PLEKHH2: variants seen among roughly 807,000 people sequenced by gnomAD.
The protein encoded by PLEKHH2 is pleckstrin homology domain-containing family H member 2.
A neutral mutation model predicts 187.9 loss-of-function variants in PLEKHH2; 129 were observed. The observed-to-expected ratio is 0.69, with a 90% CI of 0.59 to 0.79. The LOEUF (loss-of-function observed/expected upper bound fraction) is 0.79, where lower values mean the gene tolerates loss of function less well. Among genes scored for constraint, PLEKHH2 ranks in the 30% least tolerant of loss-of-function variants. PLEKHH2 has a pLI of 0.00. For synonymous variants in PLEKHH2, 686 were observed against 605.6 expected (o/e 1.13, Z -1.95); for missense variants, 2,076 against 1,751.2 (o/e 1.19, Z -3.31).
intron 2 of PLEKHH2, among the ~76,000 whole-genome samples, chr2:43,648,068 A>G (rs1250303282): frequency 1.3e-5 from 2 of 152,288 alleles, no homozygotes; most frequent in South Asian, 2.1e-4. Flanking sequence ...CACAGCTAAC[A>G]AAAAGCAGAG....
At chr2:43,716,898 CTT>C (rs1165642100) in intron 15 of PLEKHH2, among the ~76,000 whole-genome samples, 3 of 152,148 alleles carry the variant, frequency 2.0e-5, no homozygotes, top group African/African-American at 7.2e-5. Flanking sequence ...CCATCTGTCT[CTT>C]GTCACATTCT....
At chr2:43,672,347 T>C (rs976329797) in intron 2 of PLEKHH2, among the ~76,000 whole-genome samples, 1 of 152,198 alleles carries the variant, frequency 6.6e-6, no homozygotes, top group Non-Finnish European at 1.5e-5. Flanking sequence ...TATTGATTTT[T>C]CTCTATTTTT....
rs72790973 is a variant in PLEKHH2, at chr2:43,684,694, A to G, written c.186+5769A>G. ...GGTCTTGGTAAGTTTGACAGGAAGG[A>G]CTTCTCTCCTTTGAAGTTGTTCTTT... is the stretch of plus-strand genomic sequence containing the variant. On this transcript the variant is annotated intron_variant, in intron 3 of 29. Transcript: ENST00000282406. Among the ~76,000 whole-genome samples the G allele has an allele frequency of 1.6e-3, 240 of 152,090 alleles. 1 individual carries two copies. Among genetic ancestry groups the G allele is most frequent in the Admixed American group, 5.2e-3 (79 of 15,270 alleles).
rs5830767 is a variant in PLEKHH2 at position 43,705,251 on chromosome 2, C to CT, written c.1727-1049dup. ...TTCTTTCCATTCAGGAAATTTTATC[C>CT]TTTTTTTTTTTTTTTTTTTTTTGAG... On this transcript the variant is annotated intron_variant, in intron 9 of 29. Transcript: ENST00000282406. Among the ~76,000 whole-genome samples, 790 of 95,830 alleles carry CT rather than the reference C, an allele frequency of 8.2e-3. 18 individuals are homozygous for CT. The highest frequency in any genetic ancestry group is 0.02 in the East Asian group (81 of 4,084). 62.9% of individuals were successfully genotyped at this position (95,830 alleles called of 152,430 possible).
chr2:43,674,756 A>G (rs4531981), intron 2 of PLEKHH2, among the ~76,000 whole-genome samples: 100,684 of 151,570 alleles, frequency 0.66, 34,196 homozygotes, highest in Middle Eastern at 0.73. Flanking sequence ...AGGCTGAGGC[A>G]TGTGGATCAC....
intron 1 of PLEKHH2, among the ~76,000 whole-genome samples, chr2:43,641,413 G>A (rs1464099484): frequency 6.6e-6 from 1 of 152,060 alleles, no homozygotes; most frequent in African/African-American, 2.4e-5. Context: ...CCTGTGGCCT[G>A]CAGGCCACAG....
intron 25 of PLEKHH2, 80 bp from the exon 26 acceptor site, chr2:43,757,039 T>A: frequency 8.7e-7 from 1 of 1,147,618 alleles, no homozygotes. Context: ...AAAAAGAATG[T>A]TTAGAAAAAA....
chr2:43,672,514 C>A (rs1177696853), intron 2 of PLEKHH2, among the ~76,000 whole-genome samples: 1 of 152,216 alleles, frequency 6.6e-6, no homozygotes, highest in Non-Finnish European at 1.5e-5. Context: ...CAGCTGGAAT[C>A]ACAAAAGTCA....
At chr2:43,680,639 T>C in intron 3 of PLEKHH2, 1 of 299,718 alleles carries the variant, frequency 3.3e-6, no homozygotes, top group Non-Finnish European at 6.6e-6. Flanking sequence ...ATTTTGGAAG[T>C]TGCAGTGTCT....
At chr2:43,639,934 G>A (rs562594902) in intron 1 of PLEKHH2, among the ~76,000 whole-genome samples, 4 of 152,188 alleles carry the variant, frequency 2.6e-5, no homozygotes, top group African/African-American at 4.8e-5. Context: ...TGGGATTACA[G>A]GAGTGAGCCA....
At chr2:43,689,845 T>C (rs529184343) in intron 3 of PLEKHH2, among the ~76,000 whole-genome samples, 14 of 152,338 alleles carry the variant, frequency 9.2e-5, no homozygotes, top group Admixed American at 8.5e-4. Flanking sequence ...GAATGTGTTA[T>C]TCAGGGTAAA....
intron 3 of PLEKHH2, chr2:43,692,134 C>T (rs996056303): frequency 1.9e-5 from 3 of 154,842 alleles, no homozygotes; most frequent in African/African-American, 7.2e-5. Flanking sequence ...GCCATCCAGT[C>T]TGGGTCTCAC....
intron 5 of PLEKHH2, among the ~76,000 whole-genome samples, 183 bp from the exon 6 acceptor site, chr2:43,694,960 C>T (rs2104471436): frequency 6.6e-6 from 1 of 152,060 alleles, no homozygotes; most frequent in Admixed American, 6.6e-5. Flanking sequence ...AATATTGATA[C>T]CATAATTATC....
intron 27 of PLEKHH2, among the ~76,000 whole-genome samples, chr2:43,761,410 C>CTT (rs568339874): frequency 1.4e-3 from 167 of 117,602 alleles, no homozygotes; most frequent in African/African-American, 4.4e-3. Context: ...TAGCTTTTAG[C>CTT]TTTTTTTTTT....
chr2:43,681,313 G>T, intron 3 of PLEKHH2: 1 of 825,700 alleles, frequency 1.2e-6, no homozygotes, highest in Non-Finnish European at 1.9e-6. Context: ...CTGTGTTGGT[G>T]AGGAATTTGG....
intron 3 of PLEKHH2, chr2:43,681,185 A>G (rs879314782): frequency 1.7e-4 from 116 of 686,186 alleles, no homozygotes; most frequent in Admixed American, 1.3e-3. Flanking sequence ...GTCCACCACT[A>G]TTCCTCAAAG....
intron 2 of PLEKHH2, among the ~76,000 whole-genome samples, chr2:43,669,305 G>C (rs1270811519): frequency 1.3e-5 from 2 of 152,180 alleles, no homozygotes; most frequent in African/African-American, 4.8e-5. Flanking sequence ...GAAATGCAGA[G>C]CAAAGCAATG....
At chr2:43,763,596 T>C (rs1190628893) in intron 28 of PLEKHH2, among the ~76,000 whole-genome samples, 1 of 151,482 alleles carries the variant, frequency 6.6e-6, no homozygotes, top group African/African-American at 2.4e-5. Flanking sequence ...ATTTTTTTTT[T>C]TTTTTTTTTC....
intron 25 of PLEKHH2, among the ~76,000 whole-genome samples, chr2:43,754,192 ACAC>A (rs1409477595): frequency 2.6e-4 from 32 of 125,138 alleles, no homozygotes; most frequent in Admixed American, 9.9e-4. Context: ...ACACACACAC[ACAC>A]ACACACACAC....
Sources: gnomAD v4.1 joint callset for allele counts (sites outside exome capture counted in the v4.1 genomes callset) on GRCh38, gnomAD v4.1.1 for gene constraint, MANE v1.5 for transcripts, NCBI Gene and HGNC (gene_info 2026-07-23, HGNC 2026-07-21) for gene names.